SGCZ: variants seen among roughly 807,000 people sequenced by gnomAD.
SGCZ encodes the protein zeta-sarcoglycan.
SGCZ carries 40 observed loss-of-function variants against 41.3 expected under a neutral mutation model. The observed-to-expected ratio is 0.97, with a 90% CI of 0.75 to 1.26. The LOEUF (loss-of-function observed/expected upper bound fraction) is 1.26. Among genes scored for constraint, SGCZ ranks in the 50% most tolerant of loss-of-function variants. The probability of loss-of-function intolerance (pLI) is 0.00; values close to 1 mark genes in which losing one functional copy is unlikely to be tolerated. For synonymous variants in SGCZ, 206 were observed against 137.5 expected, an observed-to-expected ratio of 1.50 and a Z score of -3.49; for missense variants, 552 against 369.8, an observed-to-expected ratio of 1.49 and a Z score of -4.04.
At chr8:14,664,076 A>G (rs1807833984) in intron 1 of SGCZ, among the ~76,000 whole-genome samples, 1 of 152,222 alleles carries the variant, frequency 6.6e-6, no homozygotes, top group African/African-American at 2.4e-5. Context: ...CTGTATTTTC[A>G]TGCTTAGATG....
In SGCZ at chr8:14,439,310, A is replaced by AATATATATATATAT. The variant is rs57569373; in HGVS notation, c.235-115120_235-115107dup. ...TTAAAGAAAATATATAGAAGAAAGAAATATATATATATATATATATCTCCT... is the reference window on the plus strand; with the variant it reads ...TTAAAGAAAATATATAGAAGAAAGAAATATATATATATATATATATATATATATATATATCTCCT... On this transcript the variant is annotated intron_variant, in intron 2 of 7. Transcript: ENST00000382080. 6.2e-3 allele frequency among the ~76,000 whole-genome samples: 890 copies of AATATATATATATAT among 142,680 alleles called. 7 individuals carry two copies. The highest frequency in any genetic ancestry group is 0.011 in the East Asian group (55 of 4,802). 93.6% of individuals were successfully genotyped at this position (142,680 alleles called of 152,430 possible).
At chr8:14,366,951 C>T (rs1318342399) in intron 2 of SGCZ, among the ~76,000 whole-genome samples, 1 of 152,092 alleles carries the variant, frequency 6.6e-6, no homozygotes, top group Non-Finnish European at 1.5e-5. Flanking sequence ...AACATTTGGG[C>T]TCTTCATTAC....
At position 14,881,438 on chromosome 8, in the gene SGCZ, T is replaced by G. The variant is rs541213266; in HGVS notation, c.40-326512A>C. On this transcript the variant is annotated intron_variant, in intron 1 of 7. Coordinates refer to ENST00000382080, the MANE Select transcript of SGCZ (RefSeq NM_139167.4). ...CTAAGATAGAATGTAATGAACAGGA[T>G]GTCTATGTGGGATATCTCACGGCAG... Among the ~76,000 whole-genome samples the G allele has an allele frequency of 1.5e-3, 226 of 152,250 alleles. 2 individuals are homozygous for G. Among genetic ancestry groups the G allele is most frequent in the Admixed American group, 3.5e-3 (53 of 15,284 alleles).
intron 5 of SGCZ, among the ~76,000 whole-genome samples, chr8:14,116,997 G>A (rs73217934): frequency 0.21 from 31,225 of 151,918 alleles, 3,396 homozygotes; most frequent in Middle Eastern, 0.26. Flanking sequence ...ATAGTTTACA[G>A]GGAAGTCCAA....
chr8:14,490,929 T>C (rs1220658960), intron 2 of SGCZ, among the ~76,000 whole-genome samples: 1 of 152,248 alleles, frequency 6.6e-6, no homozygotes, highest in Non-Finnish European at 1.5e-5. Flanking sequence ...ATTTAATCAA[T>C]TGACAGCCAT....
At chr8:14,551,462 T>TGA (rs1183476396) in intron 2 of SGCZ, among the ~76,000 whole-genome samples, 1 of 6,848 alleles carries the variant, frequency 1.5e-4, no homozygotes, top group African/African-American at 5.0e-4. Context: ...ATATTATATA[T>TGA]ATTATATATA....
intron 1 of SGCZ, among the ~76,000 whole-genome samples, chr8:15,154,979 A>C (rs1799288353): frequency 6.6e-6 from 1 of 152,150 alleles, no homozygotes; most frequent in South Asian, 2.1e-4. Flanking sequence ...GCCGATTTTG[A>C]ATATTCCCAA....
chr8:14,192,400 T>C (rs963852529), intron 4 of SGCZ, among the ~76,000 whole-genome samples: 7 of 151,900 alleles, frequency 4.6e-5, no homozygotes, highest in African/African-American at 1.7e-4. Flanking sequence ...TACACGCTTT[T>C]TATTTTTTAT....
At chr8:14,597,082 G>A (rs749108423) in intron 1 of SGCZ, among the ~76,000 whole-genome samples, 130 of 152,200 alleles carry the variant, frequency 8.5e-4, no homozygotes, top group Non-Finnish European at 1.2e-3. Context: ...TAAACTAGAA[G>A]CAACTATGAA....
intron 1 of SGCZ, among the ~76,000 whole-genome samples, chr8:15,117,870 C>T (rs1807330859): frequency 6.6e-6 from 1 of 152,172 alleles, no homozygotes; most frequent in Non-Finnish European, 1.5e-5. Flanking sequence ...AATGCAAAAA[C>T]TCAATATACA....
chr8:14,293,981 TA>T (rs1421154642), intron 3 of SGCZ, among the ~76,000 whole-genome samples: 3 of 151,798 alleles, frequency 2.0e-5, no homozygotes, highest in African/African-American at 4.8e-5. Flanking sequence ...CAACAATCTA[TA>T]GAGTACTATC....
intron 2 of SGCZ, among the ~76,000 whole-genome samples, chr8:14,549,475 A>C (rs73667309): frequency 1.9e-3 from 293 of 152,150 alleles, no homozygotes; most frequent in African/African-American, 6.7e-3. Flanking sequence ...TAAAACATTA[A>C]ATTTGAAGAT....
intron 1 of SGCZ, among the ~76,000 whole-genome samples, chr8:14,649,667 G>A (rs186965482): frequency 7.2e-5 from 11 of 152,156 alleles, no homozygotes; most frequent in Admixed American, 2.0e-4. Context: ...ATAAACACAA[G>A]CCTAATTGCT....
intron 1 of SGCZ, among the ~76,000 whole-genome samples, chr8:15,108,103 C>A (rs899772597): frequency 3.3e-5 from 5 of 152,130 alleles, no homozygotes; most frequent in Non-Finnish European, 7.3e-5. Context: ...AATTCTACTA[C>A]TTTCTGTTTA....
intron 3 of SGCZ, among the ~76,000 whole-genome samples, chr8:14,293,413 C>T (rs78077806): frequency 0.035 from 5,309 of 151,888 alleles, 305 homozygotes; most frequent in African/African-American, 0.12. Context: ...AATGAAATTC[C>T]AATGGTCAAA....
At chr8:14,451,151 G>C (rs28678842) in intron 2 of SGCZ, among the ~76,000 whole-genome samples, 22 of 152,092 alleles carry the variant, frequency 1.4e-4, no homozygotes, top group African/African-American at 4.3e-4. Flanking sequence ...AGTATTCAGG[G>C]ATATATAAAC....
At chr8:15,033,659 C>G (rs907230003) in intron 1 of SGCZ, among the ~76,000 whole-genome samples, 3 of 152,132 alleles carry the variant, frequency 2.0e-5, no homozygotes, top group Admixed American at 6.5e-5. Context: ...CAGACGCATC[C>G]CAGTGGACCT....
chr8:14,489,939 C>T (rs552942930), intron 2 of SGCZ, among the ~76,000 whole-genome samples: 4 of 150,232 alleles, frequency 2.7e-5, no homozygotes, highest in Middle Eastern at 6.8e-3. Flanking sequence ...ACGATCTTGG[C>T]TCACTGCAAC....
At chr8:15,016,445 T>C (rs1287534433) in intron 1 of SGCZ, among the ~76,000 whole-genome samples, 1 of 152,176 alleles carries the variant, frequency 6.6e-6, no homozygotes, top group African/African-American at 2.4e-5. Context: ...GTTTGTAGCA[T>C]AATCTCTTGG....
Sources: allele counts gnomAD v4.1 joint callset (sites outside exome capture counted in the v4.1 genomes callset), GRCh38; gene constraint gnomAD v4.1.1; transcripts MANE v1.5; gene names NCBI Gene and HGNC (gene_info 2026-07-23, HGNC 2026-07-21).